ZC3H12B: variants seen among roughly 807,000 people sequenced by gnomAD.
The protein encoded by ZC3H12B is zinc finger CCCH-type containing 12B, also known as probable ribonuclease ZC3H12B.
ZC3H12B carries 7 observed loss-of-function variants against 43.9 expected under a neutral mutation model. That is an observed-to-expected ratio of 0.16 (90% CI 0.09 to 0.30). ZC3H12B has a LOEUF of 0.30. Ranked by LOEUF, ZC3H12B falls within the 10% of genes least tolerant of loss-of-function variation. ZC3H12B has a pLI of 1.00. For missense variants in ZC3H12B, 475 were observed against 670.2 expected (o/e 0.71, Z 3.22); for synonymous variants, 222 against 241.7 (o/e 0.92, Z 0.76).
At chrX:65,070,378 C>T in the ZC3H12B span, among the ~76,000 whole-genome samples, 16 of 109,677 alleles carry the variant, frequency 1.5e-4, no homozygotes, top group Non-Finnish European at 2.3e-4. Context: ...GTTTTTTCAA[C>T]TTTTGGGATC....
At chrX:65,349,726 C>G in the ZC3H12B span, among the ~76,000 whole-genome samples, 1 of 111,793 alleles carries the variant, frequency 8.9e-6, no homozygotes. Context: ...ACTATAAACA[C>G]CTCTATGCAA....
chrX:65,295,644 T>C, the ZC3H12B span, among the ~76,000 whole-genome samples: 5 of 110,637 alleles, frequency 4.5e-5, no homozygotes, highest in African/African-American at 1.3e-4. Flanking sequence ...TAAACAAAAT[T>C]AGGAGAATAT....
intron 3 of ZC3H12B, among the ~76,000 whole-genome samples, chrX:65,457,645 A>G (rs2067649497): frequency 1.3e-5 from 1 of 76,922 alleles, no homozygotes; most frequent in African/African-American, 1.4e-4. Flanking sequence ...TGGGGAAGAA[A>G]TTGAGAAATC....
At chrX:65,186,659 A>G in the ZC3H12B span, 4 of 110,458 alleles carry the variant, frequency 3.6e-5, no homozygotes, top group East Asian at 5.7e-4. Context: ...ACTGTACCCA[A>G]TGTGTAGCCT....
the ZC3H12B span, among the ~76,000 whole-genome samples, chrX:65,235,655 C>A: frequency 4.5e-5 from 5 of 111,255 alleles, no homozygotes; most frequent in Non-Finnish European, 7.5e-5. Context: ...AAGCAGATTC[C>A]AACTTGGGCG....
At chrX:65,176,569 T>G in the ZC3H12B span, among the ~76,000 whole-genome samples, 1 of 111,371 alleles carries the variant, frequency 9.0e-6, no homozygotes, top group Non-Finnish European at 1.9e-5. Flanking sequence ...AGTGGGTCCC[T>G]GACATAATAA....
upstream of ZC3H12B, among the ~76,000 whole-genome samples, chrX:65,364,130 C>A (rs771005892): frequency 6.3e-5 from 7 of 111,094 alleles, no homozygotes; most frequent in Non-Finnish European, 9.4e-5. Context: ...TACACACCAG[C>A]AAAGGCAGGC....
At chrX:65,443,259 GTCC>G (rs1434322825) in intron 3 of ZC3H12B, among the ~76,000 whole-genome samples, 1 of 111,134 alleles carries the variant, frequency 9.0e-6, no homozygotes, top group East Asian at 2.8e-4. Context: ...GTACTCAGGT[GTCC>G]TCCTGCTAGT....
At chrX:65,286,123 C>T in the ZC3H12B span, among the ~76,000 whole-genome samples, 1 of 111,645 alleles carries the variant, frequency 9.0e-6, no homozygotes, top group African/African-American at 3.3e-5. Context: ...ATATGTTAAA[C>T]ATATGAATAT....
At chrX:65,212,052 A>T in the ZC3H12B span, among the ~76,000 whole-genome samples, 2 of 62,370 alleles carry the variant, frequency 3.2e-5, no homozygotes, top group Non-Finnish European at 5.2e-5. Context: ...ATAATATATA[A>T]TATATATGTT....
the ZC3H12B span, among the ~76,000 whole-genome samples, chrX:65,159,579 G>A: frequency 9.0e-6 from 1 of 111,700 alleles, no homozygotes; most frequent in Non-Finnish European, 1.9e-5. Flanking sequence ...TTATTGGTGT[G>A]TAAGAATGCT....
At chrX:65,101,797 T>C in the ZC3H12B span, among the ~76,000 whole-genome samples, 1 of 112,275 alleles carries the variant, frequency 8.9e-6, no homozygotes, top group Non-Finnish European at 1.9e-5. Flanking sequence ...CACAGCCTAA[T>C]TCTTCCAGAA....
At chrX:65,265,479 T>C in the ZC3H12B span, among the ~76,000 whole-genome samples, 1 of 112,034 alleles carries the variant, frequency 8.9e-6, no homozygotes, top group Non-Finnish European at 1.9e-5. Context: ...TCAGTAGGAA[T>C]TTTAGTGAAA....
At chrX:65,043,097 C>A in the ZC3H12B span, among the ~76,000 whole-genome samples, 3 of 111,195 alleles carry the variant, frequency 2.7e-5, no homozygotes, top group South Asian at 1.1e-3. Flanking sequence ...ATATGTCCAG[C>A]CAGGATCTGA....
chrX:65,218,937 C>T, the ZC3H12B span, among the ~76,000 whole-genome samples: 1 of 112,019 alleles, frequency 8.9e-6, no homozygotes, highest in African/African-American at 3.2e-5. Context: ...ATTGCTACCT[C>T]CAACAGAGCA....
chrX:65,118,913 C>T, the ZC3H12B span, among the ~76,000 whole-genome samples: 6 of 106,461 alleles, frequency 5.6e-5, no homozygotes, highest in East Asian at 1.8e-3. Flanking sequence ...GGTTTTCTGT[C>T]CTTGCGATAG....
intron 2 of ZC3H12B, among the ~76,000 whole-genome samples, chrX:65,385,791 T>C (rs990797414): frequency 1.8e-5 from 2 of 112,191 alleles, no homozygotes; most frequent in African/African-American, 3.2e-5. Flanking sequence ...TTGTCATAAA[T>C]AGCTCTTATT....
At chrX:65,409,398 C>T (rs979933163) in intron 3 of ZC3H12B, among the ~76,000 whole-genome samples, 11 of 111,796 alleles carry the variant, frequency 9.8e-5, no homozygotes, top group Non-Finnish European at 1.9e-4. Flanking sequence ...TACTAGAATG[C>T]CCACTTTCAC....
At chrX:65,036,959 G>T in the ZC3H12B span, among the ~76,000 whole-genome samples, 1 of 108,850 alleles carries the variant, frequency 9.2e-6, no homozygotes, top group African/African-American at 3.3e-5. Flanking sequence ...TGCTATCAAA[G>T]CACTTGTTCA....
Sources: allele counts gnomAD v4.1 joint callset (sites outside exome capture counted in the v4.1 genomes callset), GRCh38; gene constraint gnomAD v4.1.1; transcripts MANE v1.5; gene names NCBI Gene and HGNC (gene_info 2026-07-23, HGNC 2026-07-21).